CAMK2B: variants seen among roughly 807,000 people sequenced by gnomAD.
CAMK2B encodes the protein calcium/calmodulin dependent protein kinase II beta.
Under a neutral mutation model 93.7 loss-of-function variants are expected in CAMK2B, and 27 were observed. That is an observed-to-expected ratio of 0.29 (90% CI 0.21 to 0.40). CAMK2B has a LOEUF of 0.40. CAMK2B is among the 10% of genes least tolerant of loss of function. The pLI is 1.00. For missense variants in CAMK2B, 568 were observed against 895.8 expected (o/e 0.63, Z 4.67); for synonymous variants, 374 against 358.8 (o/e 1.04, Z -0.48).
Position 44,247,107 on chromosome 7 carries a change from G to T in CAMK2B, c.414+13C>A. 1 of 1,607,202 alleles carries T rather than the reference G, an allele frequency of 6.2e-7. No homozygotes were observed. Among genetic ancestry groups the T allele is most frequent in the African/African-American group, 1.3e-5 (1 of 74,880 alleles). On this transcript the variant is annotated intron_variant, in intron 6 of 23. Coordinates refer to ENST00000395749, the MANE Select transcript of CAMK2B (RefSeq NM_001220.5). ...ACAACAGACACCTGGCACAGAGTGG[G>T]GTGGGGACTCACCTTGAGGTCTCTG...
In CAMK2B at chr7:44,293,809, T is replaced by A. The variant is rs756203435; in HGVS notation, c.66-9584A>T. On this transcript the variant is annotated intron_variant, in intron 1 of 23. Transcript: ENST00000395749. ...TGCTGTGTAGCCCAGTTCCTAATAG[T>A]ACTGGTCCGTGGCCTGAGGGTTGAG... is the stretch of plus-strand genomic sequence containing the variant. Among the ~76,000 whole-genome samples the A allele has an allele frequency of 5.3e-5, 8 of 152,174 alleles. No homozygotes were observed. In the South Asian group the frequency reaches 1.7e-3, roughly 31 times the overall value.
rs1160143577 is a variant in CAMK2B, at chr7:44,239,681, G to C, written c.947-18C>G. The C allele has an allele frequency of 1.3e-6, 2 of 1,528,892 alleles. No homozygotes were observed. Among genetic ancestry groups the C allele is most frequent in the South Asian group, 1.2e-5 (1 of 83,596 alleles). The allele number at this position is 1,528,892 out of a possible 1,614,324, so 94.7% of individuals were successfully genotyped here. A position where few individuals can be genotyped will look rare whatever the true frequency, so the allele number is the denominator to read the frequency against. The stretch of plus-strand genomic sequence containing the variant: ...TCTGCCCACTGTTAGCACCGGGTTA[G>C]AGACGAGGGGAAGGGAGGGGTGGGC... On this transcript the variant is annotated intron_variant, in intron 12 of 23. Coordinates refer to ENST00000395749, the MANE Select transcript of CAMK2B (RefSeq NM_001220.5).
intron 5 of CAMK2B, among the ~76,000 whole-genome samples, chr7:44,247,802 C>T (rs1229173218): frequency 2.6e-5 from 4 of 152,168 alleles, no homozygotes; most frequent in East Asian, 1.9e-4. Flanking sequence ...CCAAGGTGGG[C>T]GGATCACCTG....
intron 23 of CAMK2B, 192 bp from the exon 24 acceptor site, chr7:44,219,714 C>T: frequency 5.5e-6 from 2 of 364,958 alleles, no homozygotes; most frequent in South Asian, 9.1e-5. Context: ...GCTGCACCCA[C>T]CACCTGGGGA....
rs961796322 is a variant in CAMK2B at position 44,220,943 on chromosome 7, A to G, written c.1598-42T>C. ...CCAGGTGACCACTGGGCGCTGGCCC[A>G]TTCCCCCCGGACCCCTCCACACAGC... On this transcript the variant is annotated intron_variant, in intron 20 of 23. Coordinates refer to ENST00000395749, the MANE Select transcript of CAMK2B (RefSeq NM_001220.5). 4 of 1,524,412 alleles carry G rather than the reference A, an allele frequency of 2.6e-6. 1 individual carries two copies. The highest frequency in any genetic ancestry group is 2.7e-6 in the Non-Finnish European group (3 of 1,124,678). 94.4% of individuals were successfully genotyped at this position (1,524,412 alleles called of 1,614,324 possible).
intron 1 of CAMK2B, among the ~76,000 whole-genome samples, chr7:44,316,005 A>G (rs1794741960): frequency 6.6e-6 from 1 of 152,252 alleles, no homozygotes; most frequent in South Asian, 2.1e-4. Flanking sequence ...CTGAAAAGAG[A>G]GGTAGCTATA....
intron 10 of CAMK2B, 80 bp downstream of exon 10, chr7:44,242,138 G>T (rs1584084336): frequency 1.3e-6 from 2 of 1,497,074 alleles, no homozygotes; most frequent in East Asian, 4.5e-5. Flanking sequence ...GGACCCTCTT[G>T]GGGTCCTTGC....
chr7:44,308,634 T>G (rs1792605603), intron 1 of CAMK2B, among the ~76,000 whole-genome samples: 1 of 151,940 alleles, frequency 6.6e-6, no homozygotes, highest in African/African-American at 2.4e-5. Context: ...CGTGTCTACT[T>G]TGGGAAGATG....
At position 44,217,414 on chromosome 7, in the gene CAMK2B, AAAAT is replaced by A. The variant is rs892865258; in HGVS notation, c.*2107_*2110del. 6 of 152,214 alleles carry A rather than the reference AAAAT, an allele frequency of 3.9e-5. No homozygotes were observed. The highest frequency in any genetic ancestry group is 1.2e-4 in the African/African-American group (5 of 41,470). The allele number at this position is 152,214 out of a possible 1,614,324, so 9.4% of individuals were successfully genotyped here. ...TGCAAAAGAATTATCCCCCAGAAAAAAAATCCCCAAATTATCCCAGACAGGCAGC... is the reference window on the plus strand; with the variant it reads ...TGCAAAAGAATTATCCCCCAGAAAAACCCCAAATTATCCCAGACAGGCAGC... On this transcript the variant is annotated 3_prime_UTR_variant, in exon 24 of 24. Transcript: ENST00000395749.
rs1793479076 is a variant in CAMK2B, at chr7:44,311,299, C to T, written c.65+14058G>A. Among the ~76,000 whole-genome samples the T allele has an allele frequency of 6.6e-6, 1 of 152,210 alleles. No individual in the cohort carries two copies. The highest frequency in any genetic ancestry group is 2.4e-5 in the African/African-American group (1 of 41,450). ...CCATGTTGGCCAGGCTGGTCTCGAA[C>T]TCCTGACTTCAAGTGATCCGCCCAT... On this transcript the variant is annotated intron_variant, in intron 1 of 23. Transcript: ENST00000395749. The surrounding 1 kb of genome is among the most constrained non-coding windows in gnomAD (Gnocchi z 4.2).
In CAMK2B at chr7:44,312,501, A is replaced by G. The variant is rs1193134594; in HGVS notation, c.65+12856T>C. ...AGAGGGAGGGAAGGAGGGGAGGATG[A>G]TGAGGCTGGAGAAAGAAACAGCCCC... On this transcript the variant is annotated intron_variant, in intron 1 of 23. Transcript: ENST00000395749. The surrounding 1 kb of genome is among the most constrained non-coding windows in gnomAD (Gnocchi z 4.1). Among the ~76,000 whole-genome samples, 1 of 152,146 alleles carries G rather than the reference A, an allele frequency of 6.6e-6. No homozygotes were observed. The highest frequency in any genetic ancestry group is 1.9e-4 in the East Asian group (1 of 5,178).
intron 1 of CAMK2B, among the ~76,000 whole-genome samples, chr7:44,298,665 T>C (rs1035704511): frequency 6.6e-6 from 1 of 152,180 alleles, no homozygotes; most frequent in African/African-American, 2.4e-5. Context: ...GGAGAACTAC[T>C]AAACGTCAAT....
At chr7:44,222,120 T>C (rs2096415707) in intron 20 of CAMK2B, among the ~76,000 whole-genome samples, 2 of 152,098 alleles carry the variant, frequency 1.3e-5, no homozygotes, top group Admixed American at 1.3e-4. Context: ...CGCTCACCTA[T>C]ACACACGAGT....
At chr7:44,313,534 G>A (rs1794098700) in intron 1 of CAMK2B, among the ~76,000 whole-genome samples, 1 of 151,664 alleles carries the variant, frequency 6.6e-6, no homozygotes, top group Admixed American at 6.6e-5. Flanking sequence ...GTGGGGTGAG[G>A]CTATGGGGGC....
Position 44,242,557 on chromosome 7 carries a change from C to T in CAMK2B, c.696+3G>A. 1.9e-6 allele frequency: 3 copies of T among 1,602,646 alleles called. No individual in the cohort carries two copies. The highest frequency in any genetic ancestry group is 2.6e-6 in the Non-Finnish European group (3 of 1,172,768). ...CTCATCAGAGAGGGGCTGGTGCACT[C>T]ACGTCATAGGCACCAGCCTTGATCT... On this transcript the variant is annotated splice_donor_region_variant and intron_variant, in intron 9 of 23. Coordinates refer to ENST00000395749, the MANE Select transcript of CAMK2B (RefSeq NM_001220.5).
intron 5 of CAMK2B, among the ~76,000 whole-genome samples, chr7:44,253,183 A>G (rs1467599697): frequency 6.6e-6 from 1 of 152,006 alleles, no homozygotes; most frequent in East Asian, 1.9e-4. Flanking sequence ...AAAGTAATAC[A>G]TACTCATTTT....
chr7:44,242,842 C>G (rs1482378797), intron 8 of CAMK2B, among the ~76,000 whole-genome samples, 188 bp from the exon 9 acceptor site: 1 of 152,190 alleles, frequency 6.6e-6, no homozygotes, highest in Non-Finnish European at 1.5e-5. Context: ...CTGACCTCTG[C>G]CCCACACCCA....
chr7:44,264,145 A>T (rs371265779), intron 2 of CAMK2B: 1 of 152,570 alleles, frequency 6.6e-6, no homozygotes, highest in Admixed American at 6.5e-5. Flanking sequence ...CATAATTAAT[A>T]CACAAGACAA....
intron 11 of CAMK2B, among the ~76,000 whole-genome samples, 192 bp from the exon 12 acceptor site, chr7:44,240,941 C>T (rs777961131): frequency 6.6e-6 from 1 of 152,084 alleles, no homozygotes; most frequent in Non-Finnish European, 1.5e-5. Context: ...CACCTATTTC[C>T]AGAACTACAC....
Sources: allele counts gnomAD v4.1 joint callset (sites outside exome capture counted in the v4.1 genomes callset), GRCh38; gene constraint gnomAD v4.1.1; non-coding constraint Gnocchi (gnomAD v3.1); transcripts MANE v1.5; gene names NCBI Gene and HGNC (gene_info 2026-07-23, HGNC 2026-07-21).